NHLH2: variants seen among roughly 807,000 people sequenced by gnomAD.
NHLH2 encodes the protein helix-loop-helix protein 2.
NHLH2 carries 7 observed loss-of-function variants against 7.3 expected under a neutral mutation model. That is an observed-to-expected ratio of 0.96 (90% CI 0.55 to 1.81). The LOEUF is 1.81. Among genes scored for constraint, NHLH2 ranks in the 40% most tolerant of loss-of-function variants. The pLI is 0.00. For missense variants in NHLH2, 155 were observed against 194.0 expected (o/e 0.80, Z 1.19); for synonymous variants, 93 against 91.6 (o/e 1.01, Z -0.09).
At chr1:115,831,516 C>T (rs374658619), downstream of NHLH2, among the ~76,000 whole-genome samples, 7 of 152,082 alleles carry the variant, frequency 4.6e-5, no homozygotes, top group Non-Finnish European at 7.4e-5. Context: ...CACAGTAAAA[C>T]GAACAGTATT....
At position 115,838,328 on chromosome 1, in the gene NHLH2, G is replaced by C. The variant is rs957783801; in HGVS notation, c.45C>G (p.Ser15Arg). Residue 15 changes from serine to arginine, a missense_variant, in exon 3 of 3, where the codon AGC becomes AGG. Ser to Arg is a moderately radical substitution (Grantham distance 110). Transcript: ENST00000320238. ...PDQAADSDHPSSAHSDPESLG... is the reference protein window; with the variant it reads ...PDQAADSDHPRSAHSDPESLG... The stretch of plus-strand genomic sequence containing the variant: ...GGGACTCCGGATCCGAGTGCGCCGA[G>C]CTGGGATGGTCCGAATCTGCTGCTT... 3.1e-6 allele frequency: 5 copies of C among 1,609,490 alleles called. No individual in the cohort carries two copies. The African/African-American group carries it at 6.7e-5, about 22-fold the overall frequency.
Position 115,836,998 on chromosome 1 carries a change from C to T in NHLH2, c.*967G>A, listed in dbSNP as rs1650887940. 6.6e-6 allele frequency: 1 copy of T among 152,154 alleles called. No individual in the cohort carries two copies. Among genetic ancestry groups the T allele is most frequent in the African/African-American group, 2.4e-5 (1 of 41,370 alleles). The allele number at this position is 152,154 out of a possible 1,614,324, so 9.4% of individuals were successfully genotyped here. A position where few individuals can be genotyped will look rare whatever the true frequency, so the allele number is the denominator to read the frequency against. ...GACCACAGTATAATCTCAACAAACA[C>T]GTAAAAAGTTAGACATAATTATTCC... On this transcript the variant is annotated 3_prime_UTR_variant, in exon 3 of 3. Coordinates refer to ENST00000320238, the MANE Select transcript of NHLH2 (RefSeq NM_005599.3).
At position 115,837,718 on chromosome 1, in the gene NHLH2, T is replaced by C. The variant is rs540271051; in HGVS notation, c.*247A>G. On this transcript the variant is annotated 3_prime_UTR_variant, in exon 3 of 3. Transcript: ENST00000320238. ...CTCGGGTGTCTCCACGAGGTTCTCC[T>C]GGCCTGGAAAATCCCCCCTGCGAGC... The C allele has an allele frequency of 2.0e-6, 1 of 504,324 alleles. No individual in the cohort carries two copies. The highest frequency in any genetic ancestry group is 2.4e-5 in the South Asian group (1 of 41,296). 31.2% of individuals were successfully genotyped at this position (504,324 alleles called of 1,614,324 possible). A position where few individuals can be genotyped will look rare whatever the true frequency, so the allele number is the denominator to read the frequency against.
intron 2 of NHLH2, 158 bp from the exon 3 acceptor site, chr1:115,838,538 G>T: frequency 1.4e-6 from 1 of 731,358 alleles, no homozygotes; most frequent in Non-Finnish European, 2.1e-6. Context: ...GCGCCGATAG[G>T]ATCTGGCCCG....
chr1:115,835,866 G>A (rs1039815554), downstream of NHLH2, among the ~76,000 whole-genome samples: 1 of 151,732 alleles, frequency 6.6e-6, no homozygotes, highest in South Asian at 2.1e-4. Flanking sequence ...TCTTGTTTGC[G>A]GATGCCCTGT....
Position 115,838,025 on chromosome 1 carries a change from G to A in NHLH2, c.348C>T (p.Ile116=). 6.2e-7 allele frequency: 1 copy of A among 1,610,444 alleles called. No individual in the cohort carries two copies. The highest frequency in any genetic ancestry group is 8.5e-7 in the Non-Finnish European group (1 of 1,178,592). ...TLPPDKKLSK[I]EILRLAICYI... is the part of the protein sequence containing the mutation. ...AGCAGATGGCCAGGCGCAGGATCTCGATCTTGGAGAGCTTCTTGTCCGGGG... is the reference window on the plus strand; with the variant it reads ...AGCAGATGGCCAGGCGCAGGATCTCAATCTTGGAGAGCTTCTTGTCCGGGG... The change falls in exon 3 of 3, where the codon ATC becomes ATT. Residue 116 remains isoleucine (I), a synonymous_variant. Coordinates refer to ENST00000320238, the MANE Select transcript of NHLH2 (RefSeq NM_005599.3).
At chr1:115,834,428 A>G (rs965607061), downstream of NHLH2, among the ~76,000 whole-genome samples, 2 of 152,198 alleles carry the variant, frequency 1.3e-5, no homozygotes, top group Non-Finnish European at 2.9e-5. Context: ...GACCAAGCTC[A>G]GGGTAAAGGA....
rs1347192063 is a variant in NHLH2 at position 115,838,238 on chromosome 1, C to G, written c.135G>C (p.Glu45Asp). 1 of 1,565,190 alleles carries G rather than the reference C, an allele frequency of 6.4e-7. No homozygotes were observed. Among genetic ancestry groups the G allele is most frequent in the South Asian group, 1.2e-5 (1 of 85,848 alleles). ...VSDLEPVEEA[E>D]GDGKGGSRAA... ...CTCGGCTGCCGCCCTTGCCGTCGCCCTCGGCCTCCTCCACCGGCTCCAGGT... is the reference window on the plus strand; with the variant it reads ...CTCGGCTGCCGCCCTTGCCGTCGCCGTCGGCCTCCTCCACCGGCTCCAGGT... The change falls in exon 3 of 3, where the codon GAG (glutamate) becomes GAC (aspartate). Residue 45 changes from glutamate (E) to aspartate (D), a missense_variant. Glu to Asp is a conservative substitution (Grantham distance 45). Coordinates refer to ENST00000320238, the MANE Select transcript of NHLH2 (RefSeq NM_005599.3).
Position 115,837,841 on chromosome 1 carries a change from C to G in NHLH2, c.*124G>C, listed in dbSNP as rs995122428. On this transcript the variant is annotated 3_prime_UTR_variant, in exon 3 of 3. Transcript: ENST00000320238. ...ACAGGTAGCGAGCTTCTTCCCCGGC[C>G]GTCTCTCGAGGCGGCCGTCTCGCTG... 13 of 1,037,520 alleles carry G rather than the reference C, an allele frequency of 1.3e-5. No homozygotes were observed. In the South Asian group the frequency reaches 2.0e-4, roughly 16 times the overall value. 64.3% of individuals were successfully genotyped at this position (1,037,520 alleles called of 1,614,324 possible). A position where few individuals can be genotyped will look rare whatever the true frequency, so the allele number is the denominator to read the frequency against.
At chr1:115,835,616 C>T (rs1039336479), downstream of NHLH2, among the ~76,000 whole-genome samples, 4 of 152,210 alleles carry the variant, frequency 2.6e-5, no homozygotes, top group African/African-American at 7.2e-5. Context: ...AGCAATCCCA[C>T]AGACATTTTA....
chr1:115,837,035 T>C lies in NHLH2; in HGVS notation c.*930A>G, dbSNP rs1650889673. The C allele has an allele frequency of 6.6e-6, 1 of 152,442 alleles. No homozygotes were observed. Among genetic ancestry groups the C allele is most frequent in the Admixed American group, 6.5e-5 (1 of 15,284 alleles). The allele number at this position is 152,442 out of a possible 1,614,324, so 9.4% of individuals were successfully genotyped here. ...GACATAATTATTCCACAGGAAAAAGTGTAAACACTTGACTATAAATAAATT... is the reference window on the plus strand; with the variant it reads ...GACATAATTATTCCACAGGAAAAAGCGTAAACACTTGACTATAAATAAATT... On this transcript the variant is annotated 3_prime_UTR_variant, in exon 3 of 3. Transcript: ENST00000320238.
chr1:115,837,321 TCA>T lies in NHLH2; in HGVS notation c.*642_*643del, dbSNP rs1650901441. On this transcript the variant is annotated 3_prime_UTR_variant, in exon 3 of 3. Coordinates refer to ENST00000320238, the MANE Select transcript of NHLH2 (RefSeq NM_005599.3). ...GGTGTCATATCTTGGGGATAAAATA[TCA>T]CCAAGCTCAGATCCTCCCACAGTGT... is the stretch of plus-strand genomic sequence containing the variant. 3 of 152,642 alleles carry T rather than the reference TCA, an allele frequency of 2.0e-5. No individual in the cohort carries two copies. Among genetic ancestry groups the T allele is most frequent in the African/African-American group, 7.2e-5 (3 of 41,454 alleles). The allele number at this position is 152,642 out of a possible 1,614,324, so 9.5% of individuals were successfully genotyped here. A position where few individuals can be genotyped will look rare whatever the true frequency, so the allele number is the denominator to read the frequency against.
downstream of NHLH2, among the ~76,000 whole-genome samples, chr1:115,831,689 G>C (rs911762765): frequency 6.6e-6 from 1 of 151,900 alleles, no homozygotes; most frequent in South Asian, 2.1e-4. Flanking sequence ...AAGGCCTAGG[G>C]GGGGGCGGAT....
chr1:115,832,521 A>T (rs1392301649), downstream of NHLH2, among the ~76,000 whole-genome samples: 1 of 152,236 alleles, frequency 6.6e-6, no homozygotes, highest in African/African-American at 2.4e-5. Context: ...AGCACTATAC[A>T]TTATCCCATG....
At chr1:115,836,304 C>T (rs1455474494), downstream of NHLH2, 1 of 152,094 alleles carries the variant, frequency 6.6e-6, no homozygotes, top group East Asian at 1.9e-4. Context: ...GGAATTGAGT[C>T]CATTAAGATA....
Position 115,836,944 on chromosome 1 carries a change from A to G in NHLH2, c.*1021T>C, listed in dbSNP as rs1232975741. On this transcript the variant is annotated 3_prime_UTR_variant, in exon 3 of 3. Transcript: ENST00000320238. Reference sequence around the variant, plus strand: ...GGGAGAAGTGGGAAATTTGTTATACAAGTGCAATATAATTAGAGCAGAAAG... The same window carrying G: ...GGGAGAAGTGGGAAATTTGTTATACGAGTGCAATATAATTAGAGCAGAAAG... 1 of 152,354 alleles carries G rather than the reference A, an allele frequency of 6.6e-6. No individual in the cohort carries two copies. Among genetic ancestry groups the G allele is most frequent in the East Asian group, 1.9e-4 (1 of 5,206 alleles). 9.4% of individuals were successfully genotyped at this position (152,354 alleles called of 1,614,324 possible). A position where few individuals can be genotyped will look rare whatever the true frequency, so the allele number is the denominator to read the frequency against.
At chr1:115,835,992 C>T (rs924922159), downstream of NHLH2, among the ~76,000 whole-genome samples, 1 of 152,120 alleles carries the variant, frequency 6.6e-6, no homozygotes, top group Non-Finnish European at 1.5e-5. Context: ...TTCTCACTGC[C>T]ATTAAATAGC....
At chr1:115,831,389 C>G (rs1381292265), downstream of NHLH2, among the ~76,000 whole-genome samples, 2 of 152,194 alleles carry the variant, frequency 1.3e-5, no homozygotes, top group Non-Finnish European at 2.9e-5. Flanking sequence ...CTCACTACCC[C>G]TTAAGACTTT....
At position 115,837,774 on chromosome 1, in the gene NHLH2, T is replaced by G; in HGVS notation, c.*191A>C. On this transcript the variant is annotated 3_prime_UTR_variant, in exon 3 of 3. Transcript: ENST00000320238. Reference sequence around the variant, plus strand: ...GGCTCGCCAGACAACCCCACCTGCCTGCGTCGGAAACCTTCCCTCGTCGCC... The same window carrying G: ...GGCTCGCCAGACAACCCCACCTGCCGGCGTCGGAAACCTTCCCTCGTCGCC... 1.6e-6 allele frequency: 1 copy of G among 618,890 alleles called. No individual in the cohort carries two copies. The highest frequency in any genetic ancestry group is 2.6e-6 in the Non-Finnish European group (1 of 381,746). The allele number at this position is 618,890 out of a possible 1,614,324, so 38.3% of individuals were successfully genotyped here.
Sources: gnomAD v4.1 joint callset for allele counts (sites outside exome capture counted in the v4.1 genomes callset) on GRCh38, gnomAD v4.1.1 for gene constraint, MANE v1.5 for transcripts, NCBI Gene and HGNC (gene_info 2026-07-23, HGNC 2026-07-21) for gene names.